SH3RF1: variants seen among roughly 807,000 people sequenced by gnomAD.
SH3RF1 encodes SH3 domain containing ring finger 1, also known as E3 ubiquitin-protein ligase SH3RF1.
Under a neutral mutation model 74.0 loss-of-function variants are expected in SH3RF1, and 32 were observed. The observed-to-expected ratio is 0.43, with a 90% CI of 0.33 to 0.58. SH3RF1 has a LOEUF of 0.58. Ranked by LOEUF, SH3RF1 falls within the 20% of genes least tolerant of loss-of-function variation. The pLI, the probability that SH3RF1 is intolerant of heterozygous loss-of-function variation, is 0.05. For synonymous variants in SH3RF1, 396 were observed against 439.6 expected (o/e 0.90, Z 1.24); for missense variants, 954 against 1,130.9 (o/e 0.84, Z 2.24).
chr4:169,171,382 C>T (rs1001556758), intron 2 of SH3RF1, among the ~76,000 whole-genome samples: 4 of 152,132 alleles, frequency 2.6e-5, no homozygotes, highest in Admixed American at 2.6e-4. Flanking sequence ...CCCAAGATCT[C>T]AGAACAGTCT....
chr4:169,177,291 T>C (rs1350321858), intron 2 of SH3RF1, among the ~76,000 whole-genome samples: 2 of 152,188 alleles, frequency 1.3e-5, no homozygotes, highest in Non-Finnish European at 2.9e-5. Context: ...CAATTTCAAA[T>C]TTTTCAGAAA....
At chr4:169,126,198 C>T (rs1016545694) in intron 6 of SH3RF1, among the ~76,000 whole-genome samples, 16 of 152,218 alleles carry the variant, frequency 1.1e-4, no homozygotes, top group Non-Finnish European at 4.4e-5. Flanking sequence ...AGCTTTGCAG[C>T]TAGAAGATAA....
chr4:169,218,940 G>A (rs1730518590), intron 2 of SH3RF1, among the ~76,000 whole-genome samples: 1 of 152,052 alleles, frequency 6.6e-6, no homozygotes, highest in African/African-American at 2.4e-5. Context: ...ATAATTTACA[G>A]TATTTAGCAG....
intron 11 of SH3RF1, among the ~76,000 whole-genome samples, chr4:169,097,406 T>C (rs1732950419): frequency 6.6e-6 from 1 of 152,100 alleles, no homozygotes; most frequent in Middle Eastern, 3.2e-3. Context: ...ATTCTGACAT[T>C]TGGGTCTGTT....
chr4:169,103,888 T>A (rs1462987781), intron 11 of SH3RF1, among the ~76,000 whole-genome samples: 1 of 152,120 alleles, frequency 6.6e-6, no homozygotes, highest in Non-Finnish European at 1.5e-5. Context: ...ATTTAAATGG[T>A]TATACAAAAA....
intron 2 of SH3RF1, among the ~76,000 whole-genome samples, chr4:169,263,928 T>A (rs995068502): frequency 8.5e-5 from 13 of 152,262 alleles, no homozygotes; most frequent in Admixed American, 8.5e-4. Flanking sequence ...GCAATGTGGG[T>A]AGTTGAGGGA....
At chr4:169,115,154 G>A (rs1733309934) in intron 10 of SH3RF1, among the ~76,000 whole-genome samples, 2 of 151,738 alleles carry the variant, frequency 1.3e-5, no homozygotes, top group Non-Finnish European at 2.9e-5. Context: ...CCCCAAATGA[G>A]ACATTAAAAA....
Position 169,116,402 on chromosome 4 carries a change from A to G in SH3RF1, c.2006T>C (p.Ile669Thr). ...CTCAGCCTCCAGAGAAGCACTGGTG[A>G]TGCTTGGGGAAGTCAGTGGAGCAGC... is the stretch of plus-strand genomic sequence containing the variant. Reference protein sequence around the residue: ...AAAAPLTSPSITSASLEAEPS... With the variant: ...AAAAPLTSPSTTSASLEAEPS... The change falls in exon 10 of 12, where the codon ATC becomes ACC. Residue 669 changes from isoleucine to threonine, a missense_variant. Ile to Thr is a moderately conservative substitution (Grantham distance 89, BLOSUM62 -1). Transcript: ENST00000284637. 1.2e-6 allele frequency: 2 copies of G among 1,614,166 alleles called. No individual in the cohort carries two copies. The highest frequency in any genetic ancestry group is 1.7e-6 in the Non-Finnish European group (2 of 1,180,012).
At position 169,180,839 on chromosome 4, in the gene SH3RF1, C is replaced by T. The variant is rs547978267; in HGVS notation, c.394-24160G>A. On this transcript the variant is annotated intron_variant, in intron 2 of 11. Coordinates refer to ENST00000284637, the MANE Select transcript of SH3RF1 (RefSeq NM_020870.4). ...CACTTTTAGACACTTATTCTTTAGG[C>T]TTTTTAACTCTAACATAAACAAATA... Among the ~76,000 whole-genome samples, 7 of 152,186 alleles carry T rather than the reference C, an allele frequency of 4.6e-5. No homozygotes were observed. In the East Asian group the frequency reaches 1.2e-3, roughly 25 times the overall value.
chr4:169,169,076 C>G lies in SH3RF1; in HGVS notation c.394-12397G>C, dbSNP rs116340810. On this transcript the variant is annotated intron_variant, in intron 2 of 11. Coordinates refer to ENST00000284637, the MANE Select transcript of SH3RF1 (RefSeq NM_020870.4). ...GCTGCCTTTTATCTTCTTATTTTTG[C>G]TGTTGAGAGTAATACATAATATGTG... Among the ~76,000 whole-genome samples, 283 of 152,226 alleles carry G rather than the reference C, an allele frequency of 1.9e-3. 1 individual carries two copies. Among genetic ancestry groups the G allele is most frequent in the African/African-American group, 6.0e-3 (251 of 41,552 alleles).
In SH3RF1 at chr4:169,116,367, G is replaced by A. The variant is rs367560767; in HGVS notation, c.2041C>T (p.Arg681Trp). 1.1e-5 allele frequency: 18 copies of A among 1,614,028 alleles called. No individual in the cohort carries two copies. The highest frequency in any genetic ancestry group is 2.7e-5 in the African/African-American group (2 of 74,890). The change falls in exon 10 of 12, where the codon CGG (arginine) becomes TGG (tryptophan). Residue 681 changes from arginine (R) to tryptophan (W), a missense_variant. Transcript: ENST00000284637. Reference sequence around the variant, plus strand: ...AGTCCAGGGAGAACGGTCACTATCCGGCCACTGGGCTCAGCCTCCAGAGAA... The same window carrying A: ...AGTCCAGGGAGAACGGTCACTATCCAGCCACTGGGCTCAGCCTCCAGAGAA... ...SASLEAEPSG[R>W]IVTVLPGLPT...
intron 2 of SH3RF1, among the ~76,000 whole-genome samples, chr4:169,207,882 C>T (rs1033564858): frequency 6.6e-6 from 1 of 152,154 alleles, no homozygotes; most frequent in African/African-American, 2.4e-5. Flanking sequence ...AACCTCTCCC[C>T]ACAGAGCTGG....
At chr4:169,175,585 A>G (rs551030188) in intron 2 of SH3RF1, among the ~76,000 whole-genome samples, 123 of 152,260 alleles carry the variant, frequency 8.1e-4, no homozygotes, top group African/African-American at 2.8e-3. Context: ...GGCTTCCCTG[A>G]TTATCCCACA....
intron 2 of SH3RF1, among the ~76,000 whole-genome samples, chr4:169,196,447 T>C (rs760112889): frequency 6.6e-6 from 1 of 152,284 alleles, no homozygotes; most frequent in Non-Finnish European, 1.5e-5. Context: ...CGATGTACTA[T>C]ATTTTTTATG....
chr4:169,106,912 A>G lies in SH3RF1; in HGVS notation c.2433T>C (p.Pro811=). Residue 811 remains proline (P), a synonymous_variant, in exon 11 of 12, where the codon CCT becomes CCC. Transcript: ENST00000284637. ...SLDSAVPIAP[P]PRQACSSLGP... is the part of the protein sequence containing the mutation. ...CCAGGGAGGAACAGGCCTGGCGAGGAGGTGGAGCGATGGGAACTGCGGAGT... is the reference window on the plus strand; with the variant it reads ...CCAGGGAGGAACAGGCCTGGCGAGGGGGTGGAGCGATGGGAACTGCGGAGT... 1 of 1,613,688 alleles carries G rather than the reference A, an allele frequency of 6.2e-7. No individual in the cohort carries two copies. The highest frequency in any genetic ancestry group is 8.5e-7 in the Non-Finnish European group (1 of 1,179,984).
intron 2 of SH3RF1, among the ~76,000 whole-genome samples, chr4:169,242,800 T>C (rs560171608): frequency 6.6e-6 from 1 of 152,324 alleles, no homozygotes; most frequent in African/African-American, 2.4e-5. Context: ...CCTTCTGCCA[T>C]GTGATGATGC....
At chr4:169,217,230 G>GGCTT (rs2126999274) in intron 2 of SH3RF1, 1 of 151,976 alleles carries the variant, frequency 6.6e-6, no homozygotes, top group Admixed American at 6.6e-5. Flanking sequence ...AGTCAGACAA[G>GGCTT]GCTTGGTTCA....
intron 4 of SH3RF1, among the ~76,000 whole-genome samples, chr4:169,145,584 C>A (rs1733862417): frequency 6.8e-6 from 1 of 147,278 alleles, no homozygotes; most frequent in African/African-American, 2.5e-5. Flanking sequence ...TATTATATAT[C>A]ATATATAATA....
At chr4:169,270,310 C>G (rs959343226) in intron 1 of SH3RF1, among the ~76,000 whole-genome samples, 1 of 152,004 alleles carries the variant, frequency 6.6e-6, no homozygotes, top group Non-Finnish European at 1.5e-5. Context: ...GCAGACACAC[C>G]CCGGGGCCAG....
Sources: allele counts gnomAD v4.1 joint callset (sites outside exome capture counted in the v4.1 genomes callset), GRCh38; gene constraint gnomAD v4.1.1; transcripts MANE v1.5; gene names NCBI Gene and HGNC (gene_info 2026-07-23, HGNC 2026-07-21).